DPYSL5: variants seen among roughly 807,000 people sequenced by gnomAD.
The protein encoded by DPYSL5 is dihydropyrimidinase like 5.
DPYSL5 carries 9 observed loss-of-function variants against 58.4 expected under a neutral mutation model. The ratio of observed to expected loss-of-function variants is 0.15; its 90% CI spans 0.09 to 0.27. The LOEUF (loss-of-function observed/expected upper bound fraction) is 0.27, where lower values mean the gene tolerates loss of function less well. Among genes scored for constraint, DPYSL5 ranks in the 10% least tolerant of loss-of-function variants. The probability of loss-of-function intolerance (pLI) is 1.00; values close to 1 mark genes in which losing one functional copy is unlikely to be tolerated. For synonymous variants in DPYSL5, 293 were observed against 301.9 expected (o/e 0.97, Z 0.31); for missense variants, 499 against 770.6 (o/e 0.65, Z 4.17).
At chr2:26,889,494 TCTC>T (rs201164425) in intron 1 of DPYSL5, among the ~76,000 whole-genome samples, 2,206 of 152,076 alleles carry the variant, frequency 0.015, 64 homozygotes, top group African/African-American at 0.051. Context: ...ATGGTCTCAA[TCTC>T]CTGACCTCAT....
At position 26,928,435 on chromosome 2, in the gene DPYSL5, T is replaced by A; in HGVS notation, c.669+112T>A. ...AATTAGCCAGGCACAAGGGCTCATG[T>A]CTGTAATCCCAACATTTGGGAGGCT... On this transcript the variant is annotated intron_variant, in intron 5 of 12. Coordinates refer to ENST00000288699, the MANE Select transcript of DPYSL5 (RefSeq NM_020134.4). The A allele has an allele frequency of 2.5e-6, 3 of 1,201,908 alleles. No homozygotes were observed. The South Asian group carries it at 4.0e-5, about 16-fold the overall frequency. The allele number at this position is 1,201,908 out of a possible 1,614,324, so 74.5% of individuals were successfully genotyped here. A position where few individuals can be genotyped will look rare whatever the true frequency, so the allele number is the denominator to read the frequency against.
chr2:26,914,549 C>T (rs1664517622), intron 2 of DPYSL5, among the ~76,000 whole-genome samples: 1 of 152,190 alleles, frequency 6.6e-6, no homozygotes, highest in African/African-American at 2.4e-5. Flanking sequence ...CCATGCATGA[C>T]CTGGCTGCTC....
chr2:26,879,160 C>T (rs1212883786), intron 1 of DPYSL5, among the ~76,000 whole-genome samples: 1 of 152,014 alleles, frequency 6.6e-6, no homozygotes, highest in Non-Finnish European at 1.5e-5. Context: ...AGGCCGGGGA[C>T]CAACCAGAAG....
At chr2:26,874,119 T>C (rs959528738) in intron 1 of DPYSL5, among the ~76,000 whole-genome samples, 2 of 152,366 alleles carry the variant, frequency 1.3e-5, no homozygotes, top group Non-Finnish European at 2.9e-5. Context: ...ATTTTTTTAA[T>C]TGCATTGTAT....
rs540891013 is a variant in DPYSL5, at chr2:26,882,862, G to A, written c.-4-15634G>A. ...CAGGAGGCAGAGGTTGCAGTGAGCC[G>A]ATCGTGCCACTGCACTCCAGCCTGG... On this transcript the variant is annotated intron_variant, in intron 1 of 12. Coordinates refer to ENST00000288699, the MANE Select transcript of DPYSL5 (RefSeq NM_020134.4). Among the ~76,000 whole-genome samples, 19 of 148,116 alleles carry A rather than the reference G, an allele frequency of 1.3e-4. No individual in the cohort carries two copies. In the East Asian group the frequency reaches 2.8e-3, roughly 22 times the overall value.
At chr2:26,875,145 G>A (rs1663377368) in intron 1 of DPYSL5, among the ~76,000 whole-genome samples, 2 of 152,150 alleles carry the variant, frequency 1.3e-5, no homozygotes, top group South Asian at 2.1e-4. Context: ...GAAAAGCAAC[G>A]GATCACTTGA....
At chr2:26,918,177 C>T (rs1307642927) in intron 2 of DPYSL5, among the ~76,000 whole-genome samples, 1 of 147,082 alleles carries the variant, frequency 6.8e-6, no homozygotes, top group Non-Finnish European at 1.5e-5. Context: ...GTGCAGAGCC[C>T]TTCTAAATGT....
chr2:26,861,248 C>A lies in DPYSL5; in HGVS notation c.-5+12994C>A, dbSNP rs140212965. 8.5e-3 allele frequency among the ~76,000 whole-genome samples: 1,298 copies of A among 152,330 alleles called. 19 individuals carry two copies. Among genetic ancestry groups the A allele is most frequent in the East Asian group, 0.062 (323 of 5,186 alleles). The stretch of plus-strand genomic sequence containing the variant: ...AGTAGGTATGACCCATTATTGCTGA[C>A]TATCAAATAGCTTTTCCAATATTTC... On this transcript the variant is annotated intron_variant, in intron 1 of 12. Coordinates refer to ENST00000288699, the MANE Select transcript of DPYSL5 (RefSeq NM_020134.4).
chr2:26,933,359 G>A lies in DPYSL5; in HGVS notation c.790+26G>A, dbSNP rs769739477. On this transcript the variant is annotated intron_variant, in intron 7 of 12. Coordinates refer to ENST00000288699, the MANE Select transcript of DPYSL5 (RefSeq NM_020134.4). This position sits in a 1 kb window ranked among gnomAD's most constrained non-coding sequence, Gnocchi z 4.2. Reference sequence around the variant, plus strand: ...GTGAGTCCATAGACTTGGCTGGACAGAGCAGGTCAAGTGGAGGGACTGGAG... The same window carrying A: ...GTGAGTCCATAGACTTGGCTGGACAAAGCAGGTCAAGTGGAGGGACTGGAG... The A allele has an allele frequency of 6.2e-7, 1 of 1,609,214 alleles. No homozygotes were observed. Among genetic ancestry groups the A allele is most frequent in the South Asian group, 1.1e-5 (1 of 90,962 alleles).
rs1230825778 is a variant in DPYSL5, at chr2:26,905,891, A to G, written c.261+7131A>G. On this transcript the variant is annotated intron_variant, in intron 2 of 12. Coordinates refer to ENST00000288699, the MANE Select transcript of DPYSL5 (RefSeq NM_020134.4). This position sits in a 1 kb window ranked among gnomAD's most constrained non-coding sequence, Gnocchi z 4.0. The stretch of plus-strand genomic sequence containing the variant: ...CACAGCATGACTAGGTCTTCGGCTC[A>G]GAGCCTCGCAAGCCGCCATCCAGGT... Among the ~76,000 whole-genome samples, 1 of 152,204 alleles carries G rather than the reference A, an allele frequency of 6.6e-6. No homozygotes were observed. Among genetic ancestry groups the G allele is most frequent in the Non-Finnish European group, 1.5e-5 (1 of 68,034 alleles).
rs183930615 is a variant in DPYSL5 at position 26,925,395 on chromosome 2, G to A, written c.420+350G>A. ...GCTGCTGAGAAGAGGCCTGAGCAGG[G>A]CTCAGGTGCAGAGGGTCATATCCCA... On this transcript the variant is annotated intron_variant, in intron 3 of 12. Coordinates refer to ENST00000288699, the MANE Select transcript of DPYSL5 (RefSeq NM_020134.4). The surrounding 1 kb of genome is among the most constrained non-coding windows in gnomAD (Gnocchi z 4.5). Among the ~76,000 whole-genome samples, 71 of 152,282 alleles carry A rather than the reference G, an allele frequency of 4.7e-4. 1 individual carries two copies. The highest frequency in any genetic ancestry group is 8.1e-4 in the Non-Finnish European group (55 of 68,024).
In DPYSL5 at chr2:26,946,940, G is replaced by A. The variant is rs1381972147; in HGVS notation, c.1640G>A (p.Arg547Gln). ...CAGATCGATGACCATGTTCCAAAGC[G>A]AGCTTCAGCTCGGATCCTCGCTCCT... is the stretch of plus-strand genomic sequence containing the variant. ...GSQIDDHVPK[R>Q]ASARILAPPG... Residue 547 changes from arginine to glutamine, a missense_variant, in exon 13 of 13, where the codon CGA becomes CAA. By Grantham distance (43) the Arg-to-Gln change is conservative. This residue lies in a region of DPYSL5 where 33 missense variants were observed against 63.8 expected (regional missense o/e 0.52). Coordinates refer to ENST00000288699, the MANE Select transcript of DPYSL5 (RefSeq NM_020134.4). 1.9e-6 allele frequency: 3 copies of A among 1,614,142 alleles called. No homozygotes were observed. The highest frequency in any genetic ancestry group is 2.2e-5 in the South Asian group (2 of 91,080).
At chr2:26,939,903 GC>G in intron 8 of DPYSL5, 127 bp from the exon 9 acceptor site, 1 of 1,267,074 alleles carries the variant, frequency 7.9e-7, no homozygotes, top group East Asian at 2.3e-5. Flanking sequence ...CATGGCCTAA[GC>G]GGCAGAGCTG....
intron 1 of DPYSL5, among the ~76,000 whole-genome samples, chr2:26,888,708 C>T (rs936829839): frequency 2.0e-5 from 3 of 152,150 alleles, no homozygotes; most frequent in Admixed American, 6.5e-5. Flanking sequence ...TTTGGCGAAA[C>T]ATATGGGCAT....
chr2:26,861,363 C>G (rs1392117003), intron 1 of DPYSL5, among the ~76,000 whole-genome samples: 1 of 152,194 alleles, frequency 6.6e-6, no homozygotes, highest in Non-Finnish European at 1.5e-5. Context: ...TGTGAACCTT[C>G]CCACAGGTTC....
In DPYSL5 at chr2:26,914,022, C is replaced by T. The variant is rs576574758; in HGVS notation, c.262-10865C>T. 2.6e-3 allele frequency among the ~76,000 whole-genome samples: 395 copies of T among 151,918 alleles called. 3 individuals carry two copies. The highest frequency in any genetic ancestry group is 4.3e-3 in the Non-Finnish European group (294 of 67,962). Reference sequence around the variant, plus strand: ...TTATCAGTGTTCTATTTTAAGTACACCCTCTGGGAGACCCTGAAGCCAGGG... The same window carrying T: ...TTATCAGTGTTCTATTTTAAGTACATCCTCTGGGAGACCCTGAAGCCAGGG... On this transcript the variant is annotated intron_variant, in intron 2 of 12. Transcript: ENST00000288699.
chr2:26,899,222 A>C (rs1664092676), intron 2 of DPYSL5, among the ~76,000 whole-genome samples: 1 of 152,156 alleles, frequency 6.6e-6, no homozygotes, highest in East Asian at 1.9e-4. Context: ...CTTGCTTGTT[A>C]TTTTTAAAAA....
chr2:26,890,295 G>A (rs1663843106), intron 1 of DPYSL5, among the ~76,000 whole-genome samples: 1 of 152,186 alleles, frequency 6.6e-6, no homozygotes, highest in Non-Finnish European at 1.5e-5. Flanking sequence ...TTTCAGAGTT[G>A]TCTCCAGTGG....
rs1665332523 is a variant in DPYSL5, at chr2:26,941,963, T to C, written c.1103T>C (p.Met368Thr). ...GCAACATTTCAGGTTGGAGGAAAGA[T>C]GGATGAGAACCGTTTTGTGGCCGTT... is the stretch of plus-strand genomic sequence containing the variant. ...IWERGVVGGK[M>T]DENRFVAVTS... Residue 368 changes from methionine (M) to threonine (T), a missense_variant, in exon 10 of 13, where the codon ATG (methionine) becomes ACG (threonine). Transcript: ENST00000288699. 2 of 1,614,184 alleles carry C rather than the reference T, an allele frequency of 1.2e-6. No individual in the cohort carries two copies. The highest frequency in any genetic ancestry group is 1.7e-4 in the Middle Eastern group (1 of 6,022).
Sources: gnomAD v4.1 joint callset for allele counts (sites outside exome capture counted in the v4.1 genomes callset) on GRCh38, gnomAD v4.1.1 for gene constraint, gnomAD v4.1.1 regional missense constraint, Gnocchi (gnomAD v3.1) non-coding constraint, MANE v1.5 for transcripts, NCBI Gene and HGNC (gene_info 2026-07-23, HGNC 2026-07-21) for gene names.